NAE1: variants seen among roughly 807,000 people sequenced by gnomAD.
NAE1 encodes NEDD8-activating enzyme E1 regulatory subunit.
Under a neutral mutation model 88.0 loss-of-function variants are expected in NAE1, and 59 were observed. The observed-to-expected ratio is 0.67, with a 90% CI of 0.54 to 0.83. The LOEUF is 0.83. Among genes scored for constraint, NAE1 ranks in the 40% least tolerant of loss-of-function variants. NAE1 has a pLI of 0.00. For synonymous variants in NAE1, 186 were observed against 208.9 expected (o/e 0.89, Z 0.95); for missense variants, 554 against 632.8 (o/e 0.88, Z 1.34).
At chr16:66,823,336 CAAAA>C in intron 5 of NAE1, 30 bp from the exon 6 acceptor site, 1 of 1,513,586 alleles carries the variant, frequency 6.6e-7, no homozygotes, top group Non-Finnish European at 8.9e-7. Context: ...AAAAAACAAA[CAAAA>C]AAAACCAATT....
At chr16:66,820,098 C>T (rs1960191301) in intron 7 of NAE1, among the ~76,000 whole-genome samples, 1 of 152,164 alleles carries the variant, frequency 6.6e-6, no homozygotes, top group Non-Finnish European at 1.5e-5. Flanking sequence ...AATGGCTCAC[C>T]ACCAGCAGCC....
At chr16:66,828,434 T>C (rs780271016) in intron 1 of NAE1, among the ~76,000 whole-genome samples, 3 of 148,936 alleles carry the variant, frequency 2.0e-5, no homozygotes, top group Non-Finnish European at 3.0e-5. Flanking sequence ...GAGATTGCAG[T>C]GAGCCAAGAC....
intron 4 of NAE1, 56 bp downstream of exon 4, chr16:66,824,798 CA>C: frequency 6.8e-7 from 1 of 1,471,840 alleles, no homozygotes; most frequent in Non-Finnish European, 9.3e-7. Flanking sequence ...TTCAAGCAAT[CA>C]AAACACAGGG....
At chr16:66,811,318 C>G (rs1209648474) in intron 13 of NAE1, among the ~76,000 whole-genome samples, 1 of 152,066 alleles carries the variant, frequency 6.6e-6, no homozygotes, top group Non-Finnish European at 1.5e-5. Context: ...CTACCATGCC[C>G]GACTAATTTT....
chr16:66,823,455 T>C (rs1035078035), intron 5 of NAE1, 74 bp downstream of exon 5: 9 of 1,441,722 alleles, frequency 6.2e-6, no homozygotes, highest in Non-Finnish European at 8.6e-6. Context: ...TTCAAAATTC[T>C]AAATTTCTGG....
At chr16:66,817,171 AACAG>A (rs1960077859) in intron 9 of NAE1, 143 bp from the exon 10 acceptor site, 1 of 1,164,948 alleles carries the variant, frequency 8.6e-7, no homozygotes, top group African/African-American at 1.6e-5. Context: ...CTTGATAGAA[AACAG>A]ACACTGTGAC....
chr16:66,826,492 C>T (rs1386302612), intron 3 of NAE1, 31 bp downstream of exon 3: 5 of 1,609,626 alleles, frequency 3.1e-6, no homozygotes, highest in East Asian at 2.2e-5. Context: ...CCTTCCTTAA[C>T]GTGAATATAT....
At chr16:66,808,060 T>G (rs1173638211) in intron 17 of NAE1, among the ~76,000 whole-genome samples, 1 of 152,004 alleles carries the variant, frequency 6.6e-6, no homozygotes, top group African/African-American at 2.4e-5. Flanking sequence ...CTGGCTAATT[T>G]TTTGTATCTT....
At chr16:66,806,633 G>A (rs1347582168) in intron 17 of NAE1, among the ~76,000 whole-genome samples, 1 of 151,936 alleles carries the variant, frequency 6.6e-6, no homozygotes, top group Non-Finnish European at 1.5e-5. Context: ...GGCTGGTCTC[G>A]AACTCCTGGC....
chr16:66,824,945 G>C, intron 3 of NAE1, 60 bp from the exon 4 acceptor site: 1 of 1,430,540 alleles, frequency 7.0e-7, no homozygotes, highest in Non-Finnish European at 9.7e-7. Flanking sequence ...AGGAAAAGTT[G>C]TTTGTAATAG....
intron 1 of NAE1, among the ~76,000 whole-genome samples, chr16:66,828,938 G>A (rs1960580895): frequency 6.7e-6 from 1 of 149,820 alleles, no homozygotes; most frequent in African/African-American, 2.5e-5. Context: ...TCTTGCCACT[G>A]CACTCTAGCC....
At chr16:66,808,211 G>A (rs569918907) in intron 17 of NAE1, among the ~76,000 whole-genome samples, 2 of 152,166 alleles carry the variant, frequency 1.3e-5, no homozygotes, top group South Asian at 2.1e-4. Flanking sequence ...TATTTCTTGT[G>A]GCTTTCCTAT....
intron 1 of NAE1, 130 bp downstream of exon 1, chr16:66,830,717 C>T: frequency 2.3e-6 from 2 of 851,176 alleles, no homozygotes; most frequent in Non-Finnish European, 3.4e-6. Context: ...GCTTCCCGCG[C>T]CCCGCACGGC....
intron 7 of NAE1, among the ~76,000 whole-genome samples, chr16:66,820,737 T>C (rs1046677986): frequency 3.9e-5 from 6 of 152,020 alleles, no homozygotes. Flanking sequence ...CCATCTCTAC[T>C]AAAAATACAA....
intron 1 of NAE1, among the ~76,000 whole-genome samples, chr16:66,828,391 T>C (rs1424206664): frequency 1.3e-5 from 2 of 150,932 alleles, no homozygotes; most frequent in Non-Finnish European, 2.9e-5. Context: ...CTAGGGAGGC[T>C]GAGGCATGAG....
intron 19 of NAE1, among the ~76,000 whole-genome samples, chr16:66,803,651 C>T (rs571340998): frequency 2.0e-5 from 3 of 151,220 alleles, no homozygotes; most frequent in Admixed American, 6.6e-5. Context: ...AGTGCAGTGG[C>T]GTGATCTCGG....
At chr16:66,820,348 A>C (rs988329056) in intron 7 of NAE1, among the ~76,000 whole-genome samples, 1 of 152,258 alleles carries the variant, frequency 6.6e-6, no homozygotes, top group Non-Finnish European at 1.5e-5. Flanking sequence ...GTCTGCCTAT[A>C]AACGACTTTG....
At chr16:66,811,536 A>C (rs1597040207) in intron 13 of NAE1, among the ~76,000 whole-genome samples, 1 of 152,204 alleles carries the variant, frequency 6.6e-6, no homozygotes, top group African/African-American at 2.4e-5. Context: ...GGAAAAAAAA[A>C]CCCTTACCCA....
At chr16:66,821,726 A>C (rs1194460172) in intron 6 of NAE1, among the ~76,000 whole-genome samples, 167 bp from the exon 7 acceptor site, 1 of 152,240 alleles carries the variant, frequency 6.6e-6, no homozygotes, top group East Asian at 1.9e-4. Context: ...ACTGAAAAGC[A>C]AGCATTTCCA....
Sources: allele counts gnomAD v4.1 joint callset (sites outside exome capture counted in the v4.1 genomes callset), GRCh38; gene constraint gnomAD v4.1.1; transcripts MANE v1.5; gene names NCBI Gene and HGNC (gene_info 2026-07-23, HGNC 2026-07-21).